The following ERN1 variants were observed in gnomAD, a reference collection of about 807,000 sequenced individuals.
ERN1 encodes the protein endoplasmic reticulum to nucleus signaling 1.
ERN1 carries 39 observed loss-of-function variants against 113.1 expected under a neutral mutation model. That is an observed-to-expected ratio of 0.34 (90% confidence interval 0.27 to 0.45). The LOEUF (loss-of-function observed/expected upper bound fraction) is 0.45. Among genes scored for constraint, ERN1 ranks in the 20% least tolerant of loss-of-function variants. The pLI is 1.00. For missense variants in ERN1, 976 were observed against 1,274.8 expected, an observed-to-expected ratio of 0.77 and a Z score of 3.57; for synonymous variants, 507 against 515.9, an observed-to-expected ratio of 0.98 and a Z score of 0.23.
chr17:64,071,150 G>A (rs1343736004), intron 6 of ERN1, among the ~76,000 whole-genome samples: 3 of 152,218 alleles, frequency 2.0e-5, no homozygotes, highest in African/African-American at 7.2e-5. Context: ...ACAATGACGA[G>A]GGGTGAGATG....
chr17:64,075,318 A>G (rs544816353), intron 4 of ERN1, 71 bp from the exon 5 acceptor site: 2 of 1,326,670 alleles, frequency 1.5e-6, no homozygotes, highest in South Asian at 2.8e-5. Context: ...TTTACCAGGC[A>G]GTTTGTTTCT....
chr17:64,046,621 C>T (rs946305758), intron 19 of ERN1, among the ~76,000 whole-genome samples: 4 of 152,170 alleles, frequency 2.6e-5, no homozygotes, highest in African/African-American at 9.7e-5. Flanking sequence ...GGCCAGGCAG[C>T]GTCCTCCCTA....
Position 64,054,832 on chromosome 17 carries a change from G to A in ERN1, c.1673-4C>T, listed in dbSNP as rs1358854566. ...ATCACCACGCTGGTTTCCTCATCTG[G>A]GACAAAATAGGAAAAAGAGATTGTT... On this transcript the variant is annotated splice_region_variant and splice_polypyrimidine_tract_variant and intron_variant, in intron 13 of 21. Transcript: ENST00000433197. The surrounding 1 kb of genome is among the most constrained non-coding windows in gnomAD (Gnocchi z 4.9). 1.3e-6 allele frequency: 2 copies of A among 1,593,528 alleles called. No individual in the cohort carries two copies. Among genetic ancestry groups the A allele is most frequent in the Admixed American group, 3.4e-5 (2 of 58,118 alleles).
chr17:64,052,205 T>C (rs1452903735), intron 17 of ERN1, among the ~76,000 whole-genome samples: 3 of 152,178 alleles, frequency 2.0e-5, no homozygotes, highest in African/African-American at 7.2e-5. Flanking sequence ...TTTTTTTCTT[T>C]TAATTTTCTC....
At chr17:64,052,252 A>G (rs978341937) in intron 17 of ERN1, among the ~76,000 whole-genome samples, 26 of 152,232 alleles carry the variant, frequency 1.7e-4, no homozygotes, top group Non-Finnish European at 3.2e-4. Flanking sequence ...TGAGAAAACA[A>G]AAACAAAATT....
At chr17:64,079,632 G>A (rs771980640) in intron 4 of ERN1, 30 bp downstream of exon 4, 5 of 1,571,534 alleles carry the variant, frequency 3.2e-6, no homozygotes, top group Non-Finnish European at 4.4e-6. Flanking sequence ...TAGAACCCCT[G>A]GAGTACAAAA....
Position 64,047,904 on chromosome 17 carries a change from T to C in ERN1, c.2483A>G (p.Lys828Arg), listed in dbSNP as rs1363225191. The change falls in exon 19 of 22, where the codon AAA becomes AGA. Residue 828 changes from lysine to arginine, a missense_variant. By Grantham distance (26) the Lys-to-Arg change is conservative. This residue lies in a region of ERN1 where 297 missense variants were observed against 457.8 expected (regional missense o/e 0.65). Coordinates refer to ENST00000433197, the MANE Select transcript of ERN1 (RefSeq NM_001433.5). ...CTCTAGGCTCCAGAAGAACGGGTGT[T>C]TGAGCACATGCTTCGCTGAGGGGCG... ...QKRPSAKHVLKHPFFWSLEKQ... is the reference protein window; with the variant it reads ...QKRPSAKHVLRHPFFWSLEKQ... 2 of 1,613,414 alleles carry C rather than the reference T, an allele frequency of 1.2e-6. No individual in the cohort carries two copies. The highest frequency in any genetic ancestry group is 1.1e-5 in the South Asian group (1 of 91,022).
intron 2 of ERN1, among the ~76,000 whole-genome samples, chr17:64,083,043 A>C (rs1913816176): frequency 1.3e-5 from 2 of 152,340 alleles, no homozygotes; most frequent in Non-Finnish European, 2.9e-5. Flanking sequence ...CTGAAATGTA[A>C]CAATGACCTA....
chr17:64,090,175 T>C (rs1380870047), intron 2 of ERN1, among the ~76,000 whole-genome samples: 1 of 145,776 alleles, frequency 6.9e-6, no homozygotes, highest in East Asian at 1.9e-4. Flanking sequence ...GAGGAAAGCA[T>C]TTTTTTTTAA....
chr17:64,091,011 C>A (rs978995484), intron 2 of ERN1, among the ~76,000 whole-genome samples: 1 of 152,182 alleles, frequency 6.6e-6, no homozygotes, highest in Non-Finnish European at 1.5e-5. Context: ...CAATCCTTCA[C>A]AACAATGAAG....
chr17:64,044,847 A>G lies in ERN1; in HGVS notation c.2721+13T>C. 1 of 1,565,434 alleles carries G rather than the reference A, an allele frequency of 6.4e-7. No homozygotes were observed. The highest frequency in any genetic ancestry group is 1.3e-5 in the African/African-American group (1 of 74,202). On this transcript the variant is annotated intron_variant, in intron 21 of 21. Transcript: ENST00000433197. The surrounding 1 kb of genome is among the most constrained non-coding windows in gnomAD (Gnocchi z 4.1). ...CCACTGGGTCTCCTCCCCAGCATTT[A>G]CAAACTGCTTACCTTATTTCTCATG...
At chr17:64,096,502 T>C (rs1053197368) in intron 2 of ERN1, among the ~76,000 whole-genome samples, 3 of 152,200 alleles carry the variant, frequency 2.0e-5, no homozygotes, top group Non-Finnish European at 4.4e-5. Context: ...GTAATAATTA[T>C]AGAAATAAAG....
At chr17:64,059,727 C>T (rs924130270) in intron 11 of ERN1, among the ~76,000 whole-genome samples, 1 of 151,984 alleles carries the variant, frequency 6.6e-6, no homozygotes, top group Non-Finnish European at 1.5e-5. Context: ...GTCCTTTCTA[C>T]TCCCTCTCCT....
chr17:64,112,243 T>C (rs1330085860), intron 1 of ERN1, among the ~76,000 whole-genome samples: 2 of 151,874 alleles, frequency 1.3e-5, no homozygotes, highest in African/African-American at 4.8e-5. Flanking sequence ...TGGCACATGC[T>C]TGTAATCCCA....
chr17:64,128,238 T>C (rs1915134869), intron 1 of ERN1, among the ~76,000 whole-genome samples: 2 of 150,100 alleles, frequency 1.3e-5, no homozygotes, highest in African/African-American at 2.5e-5. Flanking sequence ...CTCAAACTCC[T>C]GACCTCAAGT....
intron 17 of ERN1, among the ~76,000 whole-genome samples, chr17:64,051,872 A>G (rs539038494): frequency 6.6e-6 from 1 of 152,204 alleles, no homozygotes; most frequent in Non-Finnish European, 1.5e-5. Flanking sequence ...AACAGTATTA[A>G]CTGTTGAGGT....
chr17:64,114,871 A>G (rs776269634), intron 1 of ERN1, among the ~76,000 whole-genome samples: 6 of 152,214 alleles, frequency 3.9e-5, no homozygotes, highest in Non-Finnish European at 7.3e-5. Flanking sequence ...ACACATCAGA[A>G]CTTCGTAGGA....
At chr17:64,101,279 G>A (rs1914377840) in intron 1 of ERN1, among the ~76,000 whole-genome samples, 1 of 151,896 alleles carries the variant, frequency 6.6e-6, no homozygotes, top group African/African-American at 2.4e-5. Flanking sequence ...CGTGGTGGTG[G>A]GTGCCTGTAA....
intron 12 of ERN1, 144 bp from the exon 13 acceptor site, chr17:64,056,092 C>A: frequency 1.5e-6 from 2 of 1,325,656 alleles, no homozygotes; most frequent in Non-Finnish European, 2.0e-6. Context: ...TGAGAAGGCA[C>A]CTGGAAGCAG....
Sources: allele counts gnomAD v4.1 joint callset (sites outside exome capture counted in the v4.1 genomes callset), GRCh38; gene constraint gnomAD v4.1.1; regional missense constraint gnomAD v4.1.1; non-coding constraint Gnocchi (gnomAD v3.1); transcripts MANE v1.5; gene names NCBI Gene and HGNC (gene_info 2026-07-23, HGNC 2026-07-21).